CDH13: variants seen among roughly 807,000 people sequenced by gnomAD.
CDH13 encodes cadherin-13.
In CDH13, 24 loss-of-function variants were observed where a neutral mutation model predicts 63.8. The ratio of observed to expected loss-of-function variants is 0.38; its 90% CI spans 0.27 to 0.53. The LOEUF is 0.53. Among genes scored for constraint, CDH13 ranks in the 20% least tolerant of loss-of-function variants. CDH13 has a pLI of 0.85. For missense variants in CDH13, 1,049 were observed against 903.1 expected, an observed-to-expected ratio of 1.16 and a Z score of -2.07; for synonymous variants, 503 against 355.3, an observed-to-expected ratio of 1.42 and a Z score of -4.67.
intron 1 of CDH13, among the ~76,000 whole-genome samples, chr16:82,650,012 C>T (rs770917369): frequency 2.6e-5 from 4 of 152,154 alleles, no homozygotes; most frequent in Non-Finnish European, 4.4e-5. Flanking sequence ...GGACCATTTC[C>T]TGGGCAACAA....
intron 1 of CDH13, chr16:82,823,862 G>A (rs1200997689): frequency 6.6e-6 from 1 of 152,052 alleles, no homozygotes; most frequent in African/African-American, 2.4e-5. Flanking sequence ...GAATTTATTA[G>A]GTGTTTTATC....
intron 4 of CDH13, among the ~76,000 whole-genome samples, chr16:83,170,073 A>G (rs2037855489): frequency 6.6e-6 from 1 of 151,964 alleles, no homozygotes. Context: ...CATAGCTTTC[A>G]TGTGATGTTA....
At chr16:83,300,387 C>A (rs1366812745) in intron 5 of CDH13, among the ~76,000 whole-genome samples, 2 of 152,214 alleles carry the variant, frequency 1.3e-5, no homozygotes, top group East Asian at 3.8e-4. Flanking sequence ...TTGCAGCTTA[C>A]AACATACAGT....
chr16:83,420,742 G>T (rs1379086302), intron 6 of CDH13, among the ~76,000 whole-genome samples: 1 of 152,212 alleles, frequency 6.6e-6, no homozygotes, highest in African/African-American at 2.4e-5. Context: ...TAGTGGCTCA[G>T]TCCGAATCCG....
intron 1 of CDH13, among the ~76,000 whole-genome samples, chr16:82,837,130 C>T (rs909070452): frequency 2.6e-5 from 4 of 152,196 alleles, no homozygotes; most frequent in Non-Finnish European, 5.9e-5. Flanking sequence ...GCAGTTTGGG[C>T]ACTGTGGGTG....
At chr16:83,519,054 C>G (rs1040686738) in intron 7 of CDH13, among the ~76,000 whole-genome samples, 19 of 152,172 alleles carry the variant, frequency 1.2e-4, no homozygotes, top group Non-Finnish European at 2.5e-4. Context: ...CTCAGATTCG[C>G]TAAACTTTAC....
chr16:82,969,407 C>G (rs1200255355), intron 2 of CDH13, among the ~76,000 whole-genome samples: 1 of 151,844 alleles, frequency 6.6e-6, no homozygotes, highest in Non-Finnish European at 1.5e-5. Flanking sequence ...TCTCCCACCT[C>G]AAGGTCTTCC....
chr16:83,739,765 C>T (rs918007061), intron 10 of CDH13, among the ~76,000 whole-genome samples: 1 of 152,162 alleles, frequency 6.6e-6, no homozygotes, highest in Non-Finnish European at 1.5e-5. Context: ...TCAACCAATG[C>T]ATGTTAAAGA....
At chr16:82,975,296 A>C (rs565894268) in intron 2 of CDH13, among the ~76,000 whole-genome samples, 1 of 152,280 alleles carries the variant, frequency 6.6e-6, no homozygotes, top group South Asian at 2.1e-4. Flanking sequence ...AGTGGAGACA[A>C]AACCCGTGCG....
intron 3 of CDH13, among the ~76,000 whole-genome samples, chr16:83,100,802 G>A (rs1400020433): frequency 6.6e-6 from 1 of 152,216 alleles, no homozygotes; most frequent in African/African-American, 2.4e-5. Context: ...ACCCATGGGT[G>A]TGTGGTTGCA....
At chr16:82,854,949 C>G (rs1219958214) in intron 1 of CDH13, among the ~76,000 whole-genome samples, 1 of 152,070 alleles carries the variant, frequency 6.6e-6, no homozygotes, top group Non-Finnish European at 1.5e-5. Flanking sequence ...CACTGAATCC[C>G]AGGAGTCTAA....
At chr16:82,874,454 G>C (rs914394974) in intron 2 of CDH13, among the ~76,000 whole-genome samples, 1 of 151,888 alleles carries the variant, frequency 6.6e-6, no homozygotes, top group Non-Finnish European at 1.5e-5. Flanking sequence ...GGCCACCCCC[G>C]AGAAGTGGCC....
intron 7 of CDH13, among the ~76,000 whole-genome samples, chr16:83,546,496 C>G (rs578247653): frequency 6.7e-6 from 1 of 149,622 alleles, no homozygotes; most frequent in Non-Finnish European, 1.5e-5. Context: ...GGGTTCAAGA[C>G]GTTCTGGAAA....
chr16:82,717,639 C>A (rs145079196), intron 1 of CDH13, among the ~76,000 whole-genome samples: 2 of 152,122 alleles, frequency 1.3e-5, no homozygotes, highest in Non-Finnish European at 2.9e-5. Context: ...GGTCCCATGA[C>A]CTTTTGTGTC....
At chr16:83,271,500 T>TAA (rs55782083) in intron 5 of CDH13, among the ~76,000 whole-genome samples, 248 of 135,496 alleles carry the variant, frequency 1.8e-3, no homozygotes, top group African/African-American at 4.3e-3. Context: ...GGCTTTTATT[T>TAA]AAAAAAAAAC....
chr16:83,713,228 G>A (rs1407928435), intron 10 of CDH13, among the ~76,000 whole-genome samples: 1 of 152,142 alleles, frequency 6.6e-6, no homozygotes, highest in Non-Finnish European at 1.5e-5. Context: ...TAACGGGCTG[G>A]GGTCCTTCAT....
chr16:83,097,965 T>A (rs938599046), intron 3 of CDH13, among the ~76,000 whole-genome samples: 16 of 151,768 alleles, frequency 1.1e-4, no homozygotes, highest in African/African-American at 2.2e-4. Context: ...AAAAAAAAAA[T>A]TTTATAATGC....
intron 3 of CDH13, among the ~76,000 whole-genome samples, chr16:83,097,784 G>T (rs1211175720): frequency 6.6e-6 from 1 of 152,152 alleles, no homozygotes; most frequent in Non-Finnish European, 1.5e-5. Flanking sequence ...GTACAAAAAG[G>T]AAATTACAGA....
intron 1 of CDH13, among the ~76,000 whole-genome samples, chr16:82,776,036 ACTCT>A (rs1243555676): frequency 6.6e-6 from 1 of 151,858 alleles, no homozygotes; most frequent in Admixed American, 6.6e-5. Context: ...GTGGCAAAAC[ACTCT>A]CTCTCCTAAA....
Sources: gnomAD v4.1 joint callset for allele counts (sites outside exome capture counted in the v4.1 genomes callset) on GRCh38, gnomAD v4.1.1 for gene constraint, MANE v1.5 for transcripts, NCBI Gene and HGNC (gene_info 2026-07-23, HGNC 2026-07-21) for gene names.